NUP58: variants seen among roughly 807,000 people sequenced by gnomAD.
The protein encoded by NUP58 is nucleoporin p58/p45.
Under a neutral mutation model 70.1 loss-of-function variants are expected in NUP58, and 17 were observed. The ratio of observed to expected loss-of-function variants is 0.24; its 90% CI spans 0.17 to 0.36. The LOEUF (loss-of-function observed/expected upper bound fraction) is 0.36. Among genes scored for constraint, NUP58 ranks in the 10% least tolerant of loss-of-function variants. NUP58 has a pLI of 1.00. For missense variants in NUP58, 644 were observed against 701.5 expected (o/e 0.92, Z 0.93); for synonymous variants, 275 against 257.6 (o/e 1.07, Z -0.65).
intron 10 of NUP58, 72 bp downstream of exon 10, chr13:25,325,140 A>G (rs960260521): frequency 3.7e-6 from 4 of 1,079,834 alleles, no homozygotes; most frequent in Admixed American, 4.3e-5. Context: ...TAGTATACAA[A>G]CTAAATATTT....
chr13:25,337,554 A>G (rs1761261768), intron 14 of NUP58, among the ~76,000 whole-genome samples: 2 of 152,170 alleles, frequency 1.3e-5, no homozygotes, highest in African/African-American at 2.4e-5. Context: ...TTATTTTAAT[A>G]CTTTCATAAG....
intron 10 of NUP58, among the ~76,000 whole-genome samples, chr13:25,325,497 C>T (rs963072994): frequency 4.6e-5 from 7 of 152,190 alleles, no homozygotes; most frequent in Non-Finnish European, 7.4e-5. Context: ...GGCTTTCATA[C>T]ATGTAAAATA....
intron 3 of NUP58, among the ~76,000 whole-genome samples, chr13:25,349,249 A>C (rs2032081391): frequency 1.3e-5 from 2 of 152,176 alleles, no homozygotes; most frequent in African/African-American, 4.8e-5. Flanking sequence ...AATGTTTATT[A>C]ATTAAATAAT....
At chr13:25,328,160 C>T (rs2031471153) in intron 12 of NUP58, among the ~76,000 whole-genome samples, 1 of 151,870 alleles carries the variant, frequency 6.6e-6, no homozygotes, top group Non-Finnish European at 1.5e-5. Context: ...GATCACACCA[C>T]TGCACTCCAG....
chr13:25,320,953 G>C lies in NUP58; in HGVS notation c.811G>C (p.Glu271Gln). 6.4e-7 allele frequency: 1 copy of C among 1,568,632 alleles called. No homozygotes were observed. Among genetic ancestry groups the C allele is most frequent in the Non-Finnish European group, 8.6e-7 (1 of 1,164,820 alleles). Reference sequence around the variant, plus strand: ...GAAGGAGCAGAAACAAGTTCAAGAAGAAATTAGTAGAATGTCTTCAAAAGC... The same window carrying C: ...GAAGGAGCAGAAACAAGTTCAAGAACAAATTAGTAGAATGTCTTCAAAAGC... ...FVKEQKQVQE[E>Q]ISRMSSKAML... The change falls in exon 9 of 16, where the codon GAA (glutamate) becomes CAA (glutamine). Residue 271 changes from glutamate (E) to glutamine (Q), a missense_variant. Physicochemically the swap from Glu to Gln is conservative, Grantham distance 29. Transcript: ENST00000381736.
Position 25,341,921 on chromosome 13 carries a change from T to C in NUP58, c.*1787T>C, listed in dbSNP as rs12491. 45,237 of 152,236 alleles carry C rather than the reference T, an allele frequency of 0.3. 7,878 individuals are homozygous for C. The highest frequency in any genetic ancestry group is 0.4 in the Middle Eastern group (118 of 294). 9.4% of individuals were successfully genotyped at this position (152,236 alleles called of 1,614,324 possible). A position where few individuals can be genotyped will look rare whatever the true frequency, so the allele number is the denominator to read the frequency against. On this transcript the variant is annotated 3_prime_UTR_variant, in exon 16 of 16. Transcript: ENST00000381736. ...ATACACATATGCACACGTATGTGCA[T>C]GTGCCACACATTTTTTGTATAATGT...
chr13:25,314,970 G>C (rs548433886), intron 5 of NUP58, among the ~76,000 whole-genome samples: 1 of 152,210 alleles, frequency 6.6e-6, no homozygotes, highest in Non-Finnish European at 1.5e-5. Flanking sequence ...TTAAAAGTAT[G>C]TAGTTCCAAA....
chr13:25,335,771 G>A lies in NUP58; in HGVS notation c.1436-1165G>A, dbSNP rs1016686001. 2.1e-5 allele frequency: 21 copies of A among 982,876 alleles called. No individual in the cohort carries two copies. In the Admixed American group the frequency reaches 3.1e-4, roughly 14 times the overall value. The allele number at this position is 982,876 out of a possible 1,614,324, so 60.9% of individuals were successfully genotyped here. A position where few individuals can be genotyped will look rare whatever the true frequency, so the allele number is the denominator to read the frequency against. On this transcript the variant is annotated intron_variant, in intron 13 of 15. Transcript: ENST00000381736. ...TAATATACAAACCTCATTCTTCATT[G>A]GATAACTTGAAGGCTTTGATTTCTT...
intron 1 of NUP58, among the ~76,000 whole-genome samples, chr13:25,306,841 G>C (rs1227427087): frequency 1.3e-5 from 2 of 152,056 alleles, no homozygotes; most frequent in Non-Finnish European, 2.9e-5. Context: ...TTTATCAGCT[G>C]TTCTTTTTTT....
intron 9 of NUP58, 108 bp downstream of exon 9, chr13:25,321,201 A>T (rs1369497777): frequency 2.2e-6 from 2 of 906,032 alleles, no homozygotes; most frequent in Admixed American, 5.8e-5. Flanking sequence ...AATTTGATAC[A>T]TGCATACCGG....
chr13:25,322,140 G>T (rs554897814), intron 9 of NUP58, among the ~76,000 whole-genome samples: 1 of 152,164 alleles, frequency 6.6e-6, no homozygotes, highest in African/African-American at 2.4e-5. Context: ...AAATCTTTCC[G>T]TGAAGTTGTC....
chr13:25,344,571 A>G (rs1449858854), downstream of NUP58, among the ~76,000 whole-genome samples: 1 of 152,136 alleles, frequency 6.6e-6, no homozygotes, highest in Non-Finnish European at 1.5e-5. Flanking sequence ...AGTCTTTAAG[A>G]TGAACTTTAG....
At chr13:25,339,537 T>C (rs1269457357) in intron 15 of NUP58, among the ~76,000 whole-genome samples, 1 of 152,350 alleles carries the variant, frequency 6.6e-6, no homozygotes, top group East Asian at 1.9e-4. Flanking sequence ...GTTTGTTCAT[T>C]GTCTTGAACA....
At chr13:25,315,148 C>T (rs1022552808) in intron 5 of NUP58, among the ~76,000 whole-genome samples, 9 of 152,124 alleles carry the variant, frequency 5.9e-5, no homozygotes, top group South Asian at 2.1e-4. Context: ...AATGAAAAAT[C>T]GCATCATCCA....
At chr13:25,315,521 T>C in intron 6 of NUP58, 54 bp downstream of exon 6, 1 of 1,283,672 alleles carries the variant, frequency 7.8e-7, no homozygotes, top group East Asian at 2.3e-5. Flanking sequence ...AGGGAATGTC[T>C]AGGTTGCTCA....
intron 6 of NUP58, among the ~76,000 whole-genome samples, chr13:25,316,130 T>C (rs1200312055): frequency 6.6e-6 from 1 of 152,198 alleles, no homozygotes; most frequent in Non-Finnish European, 1.5e-5. Flanking sequence ...TGGAGACTCT[T>C]AGTGTATAGT....
At chr13:25,325,138 A>G in intron 10 of NUP58, 70 bp downstream of exon 10, 1 of 1,088,586 alleles carries the variant, frequency 9.2e-7, no homozygotes, top group Non-Finnish European at 1.4e-6. Context: ...AATAGTATAC[A>G]AACTAAATAT....
chr13:25,325,938 C>G (rs2031376816), intron 10 of NUP58, among the ~76,000 whole-genome samples: 1 of 152,244 alleles, frequency 6.6e-6, no homozygotes, highest in South Asian at 2.1e-4. Flanking sequence ...CTAAAAATTC[C>G]TGTATGCCTT....
intron 3 of NUP58, chr13:25,309,532 G>T (rs911627584): frequency 1.6e-5 from 6 of 373,210 alleles, no homozygotes; most frequent in African/African-American, 8.5e-5. Flanking sequence ...TAATGTGGAA[G>T]TTTATTTCAT....
Sources: allele counts gnomAD v4.1 joint callset (sites outside exome capture counted in the v4.1 genomes callset), GRCh38; gene constraint gnomAD v4.1.1; transcripts MANE v1.5; gene names NCBI Gene and HGNC (gene_info 2026-07-23, HGNC 2026-07-21).